INMT: variants seen among roughly 807,000 people sequenced by gnomAD.
INMT encodes the protein indolethylamine N-methyltransferase.
In INMT, 11 loss-of-function variants were observed where a neutral mutation model predicts 11.5. The observed-to-expected ratio is 0.95, with a 90% CI of 0.60 to 1.58. INMT has a LOEUF of 1.58. Ranked by LOEUF, INMT falls within the 40% of genes most tolerant of loss-of-function variation. The probability of loss-of-function intolerance (pLI) is 0.00; values close to 1 mark genes in which losing one functional copy is unlikely to be tolerated. For missense variants in INMT, 316 were observed against 336.1 expected (o/e 0.94, Z 0.47); for synonymous variants, 155 against 142.9 (o/e 1.08, Z -0.60).
Position 30,757,044 on chromosome 7 carries a change from C to T in INMT, c.*1193C>T, listed in dbSNP as rs1191776110. 6.6e-6 allele frequency: 1 copy of T among 152,388 alleles called. No individual in the cohort carries two copies. The highest frequency in any genetic ancestry group is 1.5e-5 in the Non-Finnish European group (1 of 68,192). The allele number at this position is 152,388 out of a possible 1,614,324, so 9.4% of individuals were successfully genotyped here. A position where few individuals can be genotyped will look rare whatever the true frequency, so the allele number is the denominator to read the frequency against. Reference sequence around the variant, plus strand: ...AATCTAAACAATGATTTGTTGTTCACCTGAAATTCAAATTTAGCTGGGTGT... The same window carrying T: ...AATCTAAACAATGATTTGTTGTTCATCTGAAATTCAAATTTAGCTGGGTGT... On this transcript the variant is annotated 3_prime_UTR_variant, in exon 3 of 3. Transcript: ENST00000013222.
intron 2 of INMT, among the ~76,000 whole-genome samples, chr7:30,755,111 A>G (rs1786198920): frequency 1.3e-5 from 2 of 152,146 alleles, no homozygotes; most frequent in African/African-American, 2.4e-5. Flanking sequence ...CATCCATCCA[A>G]TAATGTTTGT....
intron 1 of INMT, 130 bp downstream of exon 1, chr7:30,752,434 G>A (rs889101718): frequency 1.5e-6 from 1 of 679,548 alleles, no homozygotes; most frequent in Non-Finnish European, 2.4e-6. Context: ...GAGCTTCTGG[G>A]GCCCTGCCCC....
At chr7:30,752,339 C>G in intron 1 of INMT, 35 bp downstream of exon 1, 1 of 1,569,568 alleles carries the variant, frequency 6.4e-7, no homozygotes, top group African/African-American at 1.3e-5. Context: ...TTGAGCCTCT[C>G]TCCAAGGAAC....
In INMT at chr7:30,755,931, A is replaced by G. The variant is rs6970396; in HGVS notation, c.*80A>G. 0.87 allele frequency: 1,308,236 copies of G among 1,507,138 alleles called. 572,019 individuals carry two copies. Among genetic ancestry groups the G allele is most frequent in the Admixed American group, 0.91 (42,454 of 46,660 alleles). 93.4% of individuals were successfully genotyped at this position (1,507,138 alleles called of 1,614,324 possible). On this transcript the variant is annotated 3_prime_UTR_variant, in exon 3 of 3. Transcript: ENST00000013222. The stretch of plus-strand genomic sequence containing the variant: ...TGCTAGAGAGGGGTGAGGAATGGAT[A>G]CTGTCTAACAGTCTCTGATTTCAAC...
intron 1 of INMT, among the ~76,000 whole-genome samples, chr7:30,752,509 C>T (rs1339385976): frequency 6.6e-6 from 1 of 152,108 alleles, no homozygotes; most frequent in African/African-American, 2.4e-5. Flanking sequence ...GAGCTCTGTG[C>T]CAGCTGAAGA....
chr7:30,752,730 T>C (rs1444471042), intron 1 of INMT, among the ~76,000 whole-genome samples: 2 of 152,236 alleles, frequency 1.3e-5, no homozygotes, highest in East Asian at 3.9e-4. Flanking sequence ...GTGTCTGTGA[T>C]GAGGACCTGG....
chr7:30,753,350 C>G (rs1375012533), intron 1 of INMT, among the ~76,000 whole-genome samples: 1 of 152,232 alleles, frequency 6.6e-6, no homozygotes, highest in Non-Finnish European at 1.5e-5. Context: ...AGCATGTCCT[C>G]TCTGAACTCT....
rs1397953491 is a variant in INMT, at chr7:30,754,935, T to G, written c.363-487T>G. Among the ~76,000 whole-genome samples the G allele has an allele frequency of 6.6e-6, 1 of 152,244 alleles. No homozygotes were observed. The highest frequency in any genetic ancestry group is 1.5e-5 in the Non-Finnish European group (1 of 68,046). Reference sequence around the variant, plus strand: ...TCAAAAAATTTTTTTCTTGCATACTTATGTATATCTAAACAATCTATAATT... The same window carrying G: ...TCAAAAAATTTTTTTCTTGCATACTGATGTATATCTAAACAATCTATAATT... On this transcript the variant is annotated intron_variant, in intron 2 of 2. Coordinates refer to ENST00000013222, the MANE Select transcript of INMT (RefSeq NM_006774.5). This position sits in a 1 kb window ranked among gnomAD's most constrained non-coding sequence, Gnocchi z 4.9.
chr7:30,756,277 C>T lies in INMT; in HGVS notation c.*426C>T. 1.0e-6 allele frequency: 1 copy of T among 967,418 alleles called. No individual in the cohort carries two copies. Among genetic ancestry groups the T allele is most frequent in the Non-Finnish European group, 1.2e-6 (1 of 810,530 alleles). The allele number at this position is 967,418 out of a possible 1,614,324, so 59.9% of individuals were successfully genotyped here. The stretch of plus-strand genomic sequence containing the variant: ...TTGAGACGGAGTCTGGCTCTGTCAC[C>T]CAGGCTAGAGTGCAATGGCACGATC... On this transcript the variant is annotated 3_prime_UTR_variant, in exon 3 of 3. Transcript: ENST00000013222.
chr7:30,753,939 G>T lies in INMT; in HGVS notation c.362+1G>T. Reference sequence around the variant, plus strand: ...TCGCCTGTGAGCTGGAAGGAAACAGGTAGGGGTGCAGAGGTTGGGGAGGGG... The same window carrying T: ...TCGCCTGTGAGCTGGAAGGAAACAGTTAGGGGTGCAGAGGTTGGGGAGGGG... On this transcript the variant is annotated splice_donor_variant, in intron 2 of 2. Coordinates refer to ENST00000013222, the MANE Select transcript of INMT (RefSeq NM_006774.5). LOFTEE classifies it high-confidence loss of function. 1.2e-6 allele frequency: 2 copies of T among 1,613,494 alleles called. No individual in the cohort carries two copies. The highest frequency in any genetic ancestry group is 8.5e-7 in the Non-Finnish European group (1 of 1,179,868).
Position 30,753,753 on chromosome 7 carries a change from G to C in INMT, c.177G>C (p.Leu59=). The C allele has an allele frequency of 1.2e-6, 2 of 1,614,182 alleles. No individual in the cohort carries two copies. Among genetic ancestry groups the C allele is most frequent in the Non-Finnish European group, 1.7e-6 (2 of 1,180,024 alleles). Residue 59 remains leucine (L), a synonymous_variant, in exon 2 of 3, where the codon CTG becomes CTC. Coordinates refer to ENST00000013222, the MANE Select transcript of INMT (RefSeq NM_006774.5). ...FGPGGLQGDT[L]IDIGSGPTIY... is the part of the protein sequence containing the mutation. ...CAGGAGGCCTCCAAGGGGACACGCTGATTGACATTGGCTCAGGTCCTACCA... is the reference window on the plus strand; with the variant it reads ...CAGGAGGCCTCCAAGGGGACACGCTCATTGACATTGGCTCAGGTCCTACCA...
In INMT at chr7:30,754,968, A is replaced by G. The variant is rs991361620; in HGVS notation, c.363-454A>G. On this transcript the variant is annotated intron_variant, in intron 2 of 2. Coordinates refer to ENST00000013222, the MANE Select transcript of INMT (RefSeq NM_006774.5). The surrounding 1 kb of genome is among the most constrained non-coding windows in gnomAD (Gnocchi z 4.9). ...TCTAAACAATCTATAATTTAGTTTT[A>G]GTCGCCTTTGAGCTTTATAGCAGAG... Among the ~76,000 whole-genome samples the G allele has an allele frequency of 3.9e-5, 6 of 152,174 alleles. No homozygotes were observed. Among genetic ancestry groups the G allele is most frequent in the African/African-American group, 1.4e-4 (6 of 41,444 alleles).
At chr7:30,755,398 C>T (rs1361839716) in intron 2 of INMT, 24 bp from the exon 3 acceptor site, 1 of 1,544,354 alleles carries the variant, frequency 6.5e-7, no homozygotes, top group East Asian at 2.4e-5. Context: ...AAGGGCCTCC[C>T]CGACTCCCTC....
At chr7:30,753,601 G>C (rs918118018) in intron 1 of INMT, 130 bp from the exon 2 acceptor site, 41 of 780,870 alleles carry the variant, frequency 5.3e-5, no homozygotes, top group Non-Finnish European at 8.3e-5. Flanking sequence ...CTTACAGGGA[G>C]CTGCCAATCC....
In INMT at chr7:30,756,070, A is replaced by G. The variant is rs1786234717; in HGVS notation, c.*219A>G. 2.9e-6 allele frequency: 4 copies of G among 1,380,954 alleles called. No individual in the cohort carries two copies. Among genetic ancestry groups the G allele is most frequent in the Non-Finnish European group, 2.8e-6 (3 of 1,069,414 alleles). 85.5% of individuals were successfully genotyped at this position (1,380,954 alleles called of 1,614,324 possible). A position where few individuals can be genotyped will look rare whatever the true frequency, so the allele number is the denominator to read the frequency against. On this transcript the variant is annotated 3_prime_UTR_variant, in exon 3 of 3. Coordinates refer to ENST00000013222, the MANE Select transcript of INMT (RefSeq NM_006774.5). The stretch of plus-strand genomic sequence containing the variant: ...GGAGTGGAATTTTCCATTTTCTAAT[A>G]TACTAAGCCTTACAGCTATCTTAGA...
Position 30,752,181 on chromosome 7 carries a change from T to C in INMT, c.31T>C (p.Tyr11His). The change falls in exon 1 of 3, where the codon TAC becomes CAC. Residue 11 changes from tyrosine (Y) to histidine (H), a missense_variant. Tyr to His is a moderately conservative substitution (Grantham distance 83). Coordinates refer to ENST00000013222, the MANE Select transcript of INMT (RefSeq NM_006774.5). The part of the protein sequence containing the change: MKGGFTGGDE[Y>H]QKHFLPRDYL... ...GGGTGGCTTCACTGGGGGTGATGAG[T>C]ACCAGAAGCACTTCCTGCCCAGGGA... The C allele has an allele frequency of 6.2e-7, 1 of 1,613,972 alleles. No individual in the cohort carries two copies. Among genetic ancestry groups the C allele is most frequent in the Non-Finnish European group, 8.5e-7 (1 of 1,179,936 alleles).
At position 30,755,832 on chromosome 7, in the gene INMT, G is replaced by T. The variant is rs6970605; in HGVS notation, c.773G>T (p.Arg258Leu). 3.0e-5 allele frequency: 48 copies of T among 1,609,398 alleles called. No homozygotes were observed. The Admixed American group carries it at 5.5e-4, about 18-fold the overall frequency. Residue 258 changes from arginine (R) to leucine (L), a missense_variant, in exon 3 of 3, where the codon CGC becomes CTC. By Grantham distance (102) the Arg-to-Leu change is moderately radical. Transcript: ENST00000013222. ...ANNGVCFIVA[R>L]KKPGP ...AATGGGGTCTGCTTCATTGTGGCTC[G>T]CAAGAAGCCTGGGCCCTGAGCCAGG...
chr7:30,753,014 A>G (rs558508954), intron 1 of INMT, among the ~76,000 whole-genome samples: 1 of 152,300 alleles, frequency 6.6e-6, no homozygotes, highest in East Asian at 1.9e-4. Context: ...AAGGCTGCTG[A>G]GCCTGGAGGA....
chr7:30,754,632 C>CATCT lies in INMT; in HGVS notation c.362+698_362+701dup, dbSNP rs113326539. Among the ~76,000 whole-genome samples, 1 of 132,246 alleles carries CATCT rather than the reference C, an allele frequency of 7.6e-6. No homozygotes were observed. The highest frequency in any genetic ancestry group is 2.5e-4 in the East Asian group (1 of 3,964). The allele number at this position is 132,246 out of a possible 152,430, so 86.8% of individuals were successfully genotyped here. ...ATCCATCCACCCATCCATCCATATC[C>CATCT]ATCTATCCATCCATCCATCCATCCA... On this transcript the variant is annotated intron_variant, in intron 2 of 2. Transcript: ENST00000013222. The surrounding 1 kb of genome is among the most constrained non-coding windows in gnomAD (Gnocchi z 4.9).
Sources: allele counts gnomAD v4.1 joint callset (sites outside exome capture counted in the v4.1 genomes callset), GRCh38; gene constraint gnomAD v4.1.1; non-coding constraint Gnocchi (gnomAD v3.1); transcripts MANE v1.5; gene names NCBI Gene and HGNC (gene_info 2026-07-23, HGNC 2026-07-21).